MTHFD2: variants seen among roughly 807,000 people sequenced by gnomAD.
The protein encoded by MTHFD2 is bifunctional methylenetetrahydrofolate dehydrogenase/cyclohydrolase, mitochondrial.
MTHFD2 carries 26 observed loss-of-function variants against 36.8 expected under a neutral mutation model. The ratio of observed to expected loss-of-function variants is 0.71; its 90% CI spans 0.52 to 0.98. MTHFD2 has a LOEUF of 0.98. MTHFD2 is among the 50% of genes least tolerant of loss of function. MTHFD2 has a pLI of 0.00. For synonymous variants in MTHFD2, 164 were observed against 155.2 expected (o/e 1.06, Z -0.42); for missense variants, 373 against 434.0 (o/e 0.86, Z 1.25).
Position 74,210,018 on chromosome 2 carries a change from G to A in MTHFD2, c.639G>A (p.Leu213=). The A allele has an allele frequency of 3.1e-6, 5 of 1,613,592 alleles. No individual in the cohort carries two copies. The highest frequency in any genetic ancestry group is 4.2e-6 in the Non-Finnish European group (5 of 1,179,706). Residue 213 remains leucine (L), a synonymous_variant, in exon 5 of 8, where the codon CTG becomes CTA. Coordinates refer to ENST00000394053, the MANE Select transcript of MTHFD2 (RefSeq NM_006636.4). The stretch of plus-strand genomic sequence containing the variant: ...TTGGAATGCCCATTGCAATGTTACT[G>A]CACACAGATGGGGCGCATGAACGTC... ...KNVGMPIAML[L]HTDGAHERPG...
At chr2:74,206,509 C>G (rs1451665777) in intron 2 of MTHFD2, 1 of 152,256 alleles carries the variant, frequency 6.6e-6, no homozygotes, top group Non-Finnish European at 1.5e-5. Flanking sequence ...AGATATGCCT[C>G]TGCCTGCCCA....
At chr2:74,202,502 AC>A (rs567464217) in intron 1 of MTHFD2, among the ~76,000 whole-genome samples, 233 of 140,856 alleles carry the variant, frequency 1.7e-3, no homozygotes, top group African/African-American at 6.0e-3. Context: ...TATCAGCAAA[AC>A]CCCCCTATTT....
At chr2:74,199,019 C>CA (rs1014073136) in intron 1 of MTHFD2, among the ~76,000 whole-genome samples, 2 of 152,188 alleles carry the variant, frequency 1.3e-5, no homozygotes, top group African/African-American at 4.8e-5. Flanking sequence ...GGCCCGTGGC[C>CA]AGTCGGCGGG....
In MTHFD2 at chr2:74,201,449, C is replaced by T. The variant is rs572265336; in HGVS notation, c.101+2707C>T. On this transcript the variant is annotated intron_variant, in intron 1 of 7. Transcript: ENST00000394053. ...CACGGCTTACTGCAGCCTTGACCTC[C>T]TGGGCTCAAGTGATCCTCCCACCTC... 2.0e-5 allele frequency among the ~76,000 whole-genome samples: 3 copies of T among 151,970 alleles called. No homozygotes were observed. In the East Asian group the frequency reaches 5.8e-4, roughly 29 times the overall value.
At chr2:74,212,263 CTTTTTT>C (rs398042480) in intron 7 of MTHFD2, among the ~76,000 whole-genome samples, 3 of 35,694 alleles carry the variant, frequency 8.4e-5, no homozygotes, top group Admixed American at 4.6e-4. Flanking sequence ...GTTTCTTTCT[CTTTTTT>C]TTTTTTTTTT....
At chr2:74,208,810 G>C (rs1694241556) in intron 4 of MTHFD2, 89 bp downstream of exon 4, 1 of 1,340,608 alleles carries the variant, frequency 7.5e-7, no homozygotes, top group South Asian at 1.3e-5. Flanking sequence ...CCAAAGAGTG[G>C]AAACCCTACT....
In MTHFD2 at chr2:74,216,744, G is replaced by A. The variant is rs2103850070; in HGVS notation, c.*2502G>A. 1 of 152,298 alleles carries A rather than the reference G, an allele frequency of 6.6e-6. No homozygotes were observed. The highest frequency in any genetic ancestry group is 1.5e-5 in the Non-Finnish European group (1 of 68,080). The allele number at this position is 152,298 out of a possible 1,614,324, so 9.4% of individuals were successfully genotyped here. On this transcript the variant is annotated 3_prime_UTR_variant, in exon 8 of 8. Transcript: ENST00000394053. ...CTGCATCAGCCTCTGAAATGGCTGG[G>A]ACTACAGGTGTGTGCCAGCATGCCT...
intron 1 of MTHFD2, among the ~76,000 whole-genome samples, chr2:74,199,707 C>CAAAA (rs34436782): frequency 9.7e-6 from 1 of 103,624 alleles, no homozygotes; most frequent in African/African-American, 3.5e-5. Context: ...GACCCTGTCT[C>CAAAA]AAAAAAAAAA....
intron 4 of MTHFD2, among the ~76,000 whole-genome samples, chr2:74,209,639 C>G (rs1694261150): frequency 6.6e-6 from 1 of 151,968 alleles, no homozygotes; most frequent in South Asian, 2.1e-4. Flanking sequence ...TCAAGCAATT[C>G]TCCTACCTTA....
intron 5 of MTHFD2, among the ~76,000 whole-genome samples, chr2:74,210,567 A>G (rs1189369503): frequency 6.6e-6 from 1 of 152,222 alleles, no homozygotes; most frequent in East Asian, 1.9e-4. Flanking sequence ...CTATCTTTCA[A>G]CATACTTAAA....
intron 7 of MTHFD2, among the ~76,000 whole-genome samples, chr2:74,213,063 C>G (rs1259342259): frequency 6.6e-6 from 1 of 151,812 alleles, no homozygotes; most frequent in African/African-American, 2.4e-5. Context: ...AGCCACCATG[C>G]CGGCTAATTT....
Position 74,205,990 on chromosome 2 carries a change from A to T in MTHFD2, c.286+101A>T. On this transcript the variant is annotated intron_variant, in intron 2 of 7. Transcript: ENST00000394053. ...TTCTTTTTTCTGATTAGGAAACCCA[A>T]GCAGAGGAGGCTAATGTGATTGAAC... The T allele has an allele frequency of 7.2e-6, 9 of 1,257,644 alleles. No individual in the cohort carries two copies. In the South Asian group the frequency reaches 1.3e-4, roughly 18 times the overall value. 77.9% of individuals were successfully genotyped at this position (1,257,644 alleles called of 1,614,324 possible).
At chr2:74,207,123 C>CTTATTTAT (rs572205742) in intron 2 of MTHFD2, among the ~76,000 whole-genome samples, 8 of 151,948 alleles carry the variant, frequency 5.3e-5, no homozygotes, top group African/African-American at 9.7e-5. Flanking sequence ...TATTAGCTCG[C>CTTATTTAT]TTATTTATTT....
chr2:74,207,600 T>G, intron 2 of MTHFD2, 104 bp from the exon 3 acceptor site: 3 of 1,076,330 alleles, frequency 2.8e-6, no homozygotes, highest in South Asian at 3.4e-5. Context: ...TAGGGATGAG[T>G]GTGATGATAC....
At chr2:74,209,401 C>A (rs558862011) in intron 4 of MTHFD2, among the ~76,000 whole-genome samples, 19 of 152,080 alleles carry the variant, frequency 1.2e-4, no homozygotes, top group African/African-American at 4.3e-4. Context: ...CACCACCATG[C>A]CTGGCTAACT....
rs867631902 is a variant in MTHFD2 at position 74,206,801 on chromosome 2, C to T, written c.287-903C>T. Among the ~76,000 whole-genome samples the T allele has an allele frequency of 4.6e-5, 7 of 152,168 alleles. No homozygotes were observed. In the South Asian group the frequency reaches 6.2e-4, roughly 13 times the overall value. On this transcript the variant is annotated intron_variant, in intron 2 of 7. Transcript: ENST00000394053. ...TCGGCTCTCCGCAACCTCCGCCTCCCGGGTTCAAGTAATTCTCCTGCCTCA... is the reference window on the plus strand; with the variant it reads ...TCGGCTCTCCGCAACCTCCGCCTCCTGGGTTCAAGTAATTCTCCTGCCTCA...
intron 6 of MTHFD2, 131 bp from the exon 7 acceptor site, chr2:74,211,610 A>T (rs1694305236): frequency 1.2e-6 from 1 of 865,466 alleles, no homozygotes; most frequent in Non-Finnish European, 1.6e-6. Flanking sequence ...TTCCTTAGTT[A>T]ATATTTTTAA....
chr2:74,206,069 C>T (rs1196594368), intron 2 of MTHFD2, 180 bp downstream of exon 2: 5 of 576,544 alleles, frequency 8.7e-6, no homozygotes, highest in Non-Finnish European at 1.5e-5. Context: ...GGGGTTTATA[C>T]AGTAGGACAG....
chr2:74,198,615 C>G lies in MTHFD2; in HGVS notation c.-27C>G, dbSNP rs1051590766. 6.3e-7 allele frequency: 1 copy of G among 1,579,294 alleles called. No individual in the cohort carries two copies. Among genetic ancestry groups the G allele is most frequent in the Non-Finnish European group, 8.6e-7 (1 of 1,162,816 alleles). ...CCGCGTGGCCCGCGCGCGCGCTTCCCTCCCGGCGCAGTCACCGGCGCGGTC... is the reference window on the plus strand; with the variant it reads ...CCGCGTGGCCCGCGCGCGCGCTTCCGTCCCGGCGCAGTCACCGGCGCGGTC... On this transcript the variant is annotated 5_prime_UTR_variant, in exon 1 of 8. Transcript: ENST00000394053.
Sources: allele counts gnomAD v4.1 joint callset (sites outside exome capture counted in the v4.1 genomes callset), GRCh38; gene constraint gnomAD v4.1.1; transcripts MANE v1.5; gene names NCBI Gene and HGNC (gene_info 2026-07-23, HGNC 2026-07-21).